Variants in SUGCT observed in about 807,000 individuals in gnomAD.
SUGCT encodes succinyl-CoA:glutarate-CoA transferase, also known as succinyl-CoA:glutarate CoA-transferase.
A neutral mutation model predicts 55.0 loss-of-function variants in SUGCT; 41 were observed. The observed-to-expected ratio is 0.74, with a 90% confidence interval of 0.58 to 0.97. The LOEUF (loss-of-function observed/expected upper bound fraction) is 0.97, where lower values mean the gene tolerates loss of function less well. Ranked by LOEUF, SUGCT falls within the 50% of genes least tolerant of loss-of-function variation. SUGCT has a pLI of 0.00. For synonymous variants in SUGCT, 187 were observed against 200.4 expected (o/e 0.93, Z 0.56); for missense variants, 568 against 547.8 (o/e 1.04, Z -0.37).
chr7:40,885,226 G>A, the SUGCT span, among the ~76,000 whole-genome samples: 858 of 152,172 alleles, frequency 5.6e-3, 6 homozygotes, highest in African/African-American at 0.02. Context: ...CGTTTTCACC[G>A]TATGATTCAA....
chr7:40,553,808 G>A (rs1795426914), intron 12 of SUGCT, among the ~76,000 whole-genome samples: 1 of 152,200 alleles, frequency 6.6e-6, no homozygotes, highest in Non-Finnish European at 1.5e-5. Context: ...TATTGAGGAT[G>A]CCTCCAATGC....
intron 13 of SUGCT, among the ~76,000 whole-genome samples, chr7:40,835,163 A>G (rs771927402): frequency 1.5e-4 from 23 of 152,230 alleles, no homozygotes; most frequent in Non-Finnish European, 2.4e-4. Context: ...TTTAATTCAA[A>G]CACCCACATG....
At chr7:40,809,242 TA>T (rs1431364938) in intron 13 of SUGCT, among the ~76,000 whole-genome samples, 2 of 152,210 alleles carry the variant, frequency 1.3e-5, no homozygotes, top group Non-Finnish European at 2.9e-5. Context: ...CTGAATATTG[TA>T]AGTGCTAAGT....
intron 1 of SUGCT, among the ~76,000 whole-genome samples, chr7:40,155,939 C>T (rs969437135): frequency 1.3e-5 from 2 of 151,202 alleles, no homozygotes; most frequent in Non-Finnish European, 2.9e-5. Flanking sequence ...CTCACTGCAA[C>T]CTCCACCTCC....
In SUGCT at chr7:40,144,359, G is replaced by A. The variant is rs1262091229; in HGVS notation, c.100+9239G>A. On this transcript the variant is annotated intron_variant, in intron 1 of 13. Transcript: ENST00000335693. ...AGAAAGAGTAATAGAATAGATGAAA[G>A]AGAGTGAAATTTTTCTTTGCTTTAG... Among the ~76,000 whole-genome samples the A allele has an allele frequency of 3.3e-5, 5 of 152,228 alleles. No homozygotes were observed. The East Asian group carries it at 7.7e-4, about 23-fold the overall frequency.
intron 12 of SUGCT, among the ~76,000 whole-genome samples, chr7:40,614,169 T>C (rs1194915652): frequency 6.6e-6 from 1 of 151,930 alleles, no homozygotes; most frequent in Non-Finnish European, 1.5e-5. Flanking sequence ...CTTTGAAGAA[T>C]GTTTCTTCAT....
At chr7:40,900,211 G>A in the SUGCT span, among the ~76,000 whole-genome samples, 1 of 152,176 alleles carries the variant, frequency 6.6e-6, no homozygotes, top group South Asian at 2.1e-4. Context: ...GTCATTCAAT[G>A]CCCAGAGCAA....
At chr7:40,168,163 T>A (rs1784506014) in intron 1 of SUGCT, among the ~76,000 whole-genome samples, 1 of 152,222 alleles carries the variant, frequency 6.6e-6, no homozygotes, top group South Asian at 2.1e-4. Context: ...TGTGGTCACC[T>A]TCCCAGCTAG....
At chr7:40,931,686 C>G in the SUGCT span, among the ~76,000 whole-genome samples, 1 of 152,140 alleles carries the variant, frequency 6.6e-6, no homozygotes, top group African/African-American at 2.4e-5. Flanking sequence ...TCCATTTCTT[C>G]TAGATTTTCT....
In SUGCT at chr7:40,592,614, G is replaced by A. The variant is rs143339422; in HGVS notation, c.1089+96228G>A. 3.3e-3 allele frequency among the ~76,000 whole-genome samples: 507 copies of A among 152,322 alleles called. 2 individuals are homozygous for A. Among genetic ancestry groups the A allele is most frequent in the African/African-American group, 0.012 (480 of 41,572 alleles). On this transcript the variant is annotated intron_variant, in intron 12 of 13. Transcript: ENST00000335693. Reference sequence around the variant, plus strand: ...TGGAGAATGTGTAGTAAACTTAGAAGTAAAGTAGTGCCAGGGGCTTTCTGA... The same window carrying A: ...TGGAGAATGTGTAGTAAACTTAGAAATAAAGTAGTGCCAGGGGCTTTCTGA...
chr7:40,549,826 TG>T (rs1795207613), intron 12 of SUGCT, among the ~76,000 whole-genome samples: 2 of 151,526 alleles, frequency 1.3e-5, no homozygotes, highest in Admixed American at 6.6e-5. Flanking sequence ...ATGAGGGGAG[TG>T]GACAGTGGAA....
the SUGCT span, among the ~76,000 whole-genome samples, chr7:40,877,692 G>T: frequency 3.3e-5 from 5 of 152,238 alleles, no homozygotes; most frequent in East Asian, 5.8e-4. Context: ...TGAATGTAGG[G>T]ACTAGATTTT....
At chr7:40,817,814 C>A (rs1791756151) in intron 13 of SUGCT, among the ~76,000 whole-genome samples, 1 of 152,026 alleles carries the variant, frequency 6.6e-6, no homozygotes. Flanking sequence ...GAAATAGCTT[C>A]ATTAGTAGAA....
chr7:40,707,999 T>C (rs912067151), intron 12 of SUGCT, among the ~76,000 whole-genome samples: 1 of 152,196 alleles, frequency 6.6e-6, no homozygotes, highest in Non-Finnish European at 1.5e-5. Flanking sequence ...ATACAATCTT[T>C]CTTTGTGGTA....
intron 13 of SUGCT, among the ~76,000 whole-genome samples, chr7:40,754,926 A>T (rs4723977): frequency 0.55 from 82,830 of 151,970 alleles, 24,365 homozygotes; most frequent in Admixed American, 0.71. Flanking sequence ...GTAATGATCC[A>T]GTGATTCATC....
chr7:40,427,217 T>C (rs1183881968), intron 9 of SUGCT, among the ~76,000 whole-genome samples: 2 of 152,176 alleles, frequency 1.3e-5, no homozygotes. Context: ...TCCAAATGTC[T>C]AGTTAAGGGA....
chr7:40,678,726 A>G (rs776502921), intron 12 of SUGCT, among the ~76,000 whole-genome samples: 58 of 152,230 alleles, frequency 3.8e-4, no homozygotes, highest in Non-Finnish European at 7.3e-4. Flanking sequence ...AAGGAACTGT[A>G]ACATTTTGAA....
At chr7:40,225,433 T>C (rs1437509463) in intron 6 of SUGCT, among the ~76,000 whole-genome samples, 1 of 147,758 alleles carries the variant, frequency 6.8e-6, no homozygotes, top group Admixed American at 6.8e-5. Context: ...GAATAATATA[T>C]GATTTTTTTT....
In SUGCT at chr7:40,628,406, G is replaced by A. The variant is rs183872198; in HGVS notation, c.1090-121028G>A. Among the ~76,000 whole-genome samples the A allele has an allele frequency of 3.2e-3, 483 of 152,266 alleles. 4 individuals carry two copies. Among genetic ancestry groups the A allele is most frequent in the African/African-American group, 9.9e-3 (413 of 41,544 alleles). On this transcript the variant is annotated intron_variant, in intron 12 of 13. Transcript: ENST00000335693. Reference sequence around the variant, plus strand: ...CTCACAAAACATCTACACTGTTCTCGTTTAGAACCACTGGTTTTGTAGCTG... The same window carrying A: ...CTCACAAAACATCTACACTGTTCTCATTTAGAACCACTGGTTTTGTAGCTG...
Sources: gnomAD v4.1 joint callset for allele counts (sites outside exome capture counted in the v4.1 genomes callset) on GRCh38, gnomAD v4.1.1 for gene constraint, MANE v1.5 for transcripts, NCBI Gene and HGNC (gene_info 2026-07-23, HGNC 2026-07-21) for gene names.